Variants in KLF2 observed in about 807,000 individuals in gnomAD.
KLF2 encodes KLF transcription factor 2.
A neutral mutation model predicts 22.2 loss-of-function variants in KLF2; 9 were observed. That is an observed-to-expected ratio of 0.40 (90% CI 0.24 to 0.71). The LOEUF is 0.71. Among genes scored for constraint, KLF2 ranks in the 30% least tolerant of loss-of-function variants. KLF2 has a pLI of 0.35. For missense variants in KLF2, 481 were observed against 542.1 expected, an observed-to-expected ratio of 0.89 and a Z score of 1.12; for synonymous variants, 299 against 264.2, an observed-to-expected ratio of 1.13 and a Z score of -1.28.
In KLF2 at chr19:16,326,882, G is replaced by T. The variant is rs372974017; in HGVS notation, c.919G>T (p.Asp307Tyr). 7 of 1,612,536 alleles carry T rather than the reference G, an allele frequency of 4.3e-6. No homozygotes were observed. In the South Asian group the frequency reaches 7.7e-5, roughly 18 times the overall value. Reference protein sequence around the residue: ...TGEKPYHCNWDGCGWKFARSD... With the variant: ...TGEKPYHCNWYGCGWKFARSD... ...TGAGAAGCCCTACCACTGCAACTGG[G>T]ACGGCTGCGGCTGGAAGTTTGCGCG... Residue 307 changes from aspartate (D) to tyrosine (Y), a missense_variant, in exon 3 of 3, where the codon GAC (aspartate) becomes TAC (tyrosine). Transcript: ENST00000248071.
intron 1 of KLF2, 108 bp from the exon 2 acceptor site, chr19:16,325,108 G>C: frequency 7.6e-7 from 1 of 1,321,410 alleles, no homozygotes; most frequent in Non-Finnish European, 1.0e-6. Context: ...TGCAGACTCA[G>C]GAGAGGAGGA....
chr19:16,325,949 C>T lies in KLF2; in HGVS notation c.809C>T (p.Ala270Val). The T allele has an allele frequency of 7.1e-6, 11 of 1,538,544 alleles. No homozygotes were observed. Among genetic ancestry groups the T allele is most frequent in the Non-Finnish European group, 8.7e-6 (10 of 1,143,350 alleles). Residue 270 changes from alanine (A) to valine (V), a missense_variant, in exon 2 of 3, where the codon GCC becomes GTC. Physicochemically the swap from Ala to Val is moderately conservative, Grantham distance 64. Coordinates refer to ENST00000248071, the MANE Select transcript of KLF2 (RefSeq NM_016270.4). ...CGCTCTTGGCCCCGCAAACGCACCG[C>T]CACTCACACCTGCAGCTACGCGGGC... ...GRRSWPRKRTATHTCSYAGCG... is the reference protein window; with the variant it reads ...GRRSWPRKRTVTHTCSYAGCG...
At position 16,327,169 on chromosome 19, in the gene KLF2, C is replaced by T; in HGVS notation, c.*138C>T. 2 of 811,488 alleles carry T rather than the reference C, an allele frequency of 2.5e-6. No homozygotes were observed. Among genetic ancestry groups the T allele is most frequent in the Non-Finnish European group, 1.8e-6 (1 of 545,232 alleles). 50.3% of individuals were successfully genotyped at this position (811,488 alleles called of 1,614,324 possible). ...CAGCGTGGCTACAGAGGGTCTCCCTCGATGACGACGACGACGACGCCACCA... is the reference window on the plus strand; with the variant it reads ...CAGCGTGGCTACAGAGGGTCTCCCTTGATGACGACGACGACGACGCCACCA... On this transcript the variant is annotated 3_prime_UTR_variant, in exon 3 of 3. Coordinates refer to ENST00000248071, the MANE Select transcript of KLF2 (RefSeq NM_016270.4).
Position 16,328,398 on chromosome 19 carries a change from C to T in KLF2, c.*1367C>T, listed in dbSNP as rs1279959535. Among the ~76,000 whole-genome samples the T allele has an allele frequency of 6.6e-6, 1 of 152,146 alleles. No homozygotes were observed. Among genetic ancestry groups the T allele is most frequent in the East Asian group, 1.9e-4 (1 of 5,198 alleles). ...AGGTATCTCTCCCCCCAGATTTCAC[C>T]TGCCACCCCTCACCTTCCCCATTCT... On this transcript the variant is annotated 3_prime_UTR_variant, in exon 3 of 3. Coordinates refer to ENST00000248071, the MANE Select transcript of KLF2 (RefSeq NM_016270.4).
chr19:16,328,434 G>A lies in KLF2; in HGVS notation c.*1403G>A, dbSNP rs1180305569. Among the ~76,000 whole-genome samples, 1 of 151,992 alleles carries A rather than the reference G, an allele frequency of 6.6e-6. No homozygotes were observed. The highest frequency in any genetic ancestry group is 1.9e-4 in the East Asian group (1 of 5,194). ...CACCTTCCCCATTCTCAGGGGCCCCGGGTAACCATGACCACCAACCATTGC... is the reference window on the plus strand; with the variant it reads ...CACCTTCCCCATTCTCAGGGGCCCCAGGTAACCATGACCACCAACCATTGC... On this transcript the variant is annotated 3_prime_UTR_variant, in exon 3 of 3. Coordinates refer to ENST00000248071, the MANE Select transcript of KLF2 (RefSeq NM_016270.4).
Position 16,327,894 on chromosome 19 carries a change from A to G in KLF2, c.*863A>G, listed in dbSNP as rs181740267. On this transcript the variant is annotated 3_prime_UTR_variant, in exon 3 of 3. Coordinates refer to ENST00000248071, the MANE Select transcript of KLF2 (RefSeq NM_016270.4). ...CTGGAAGCCTCTGAGGTTTTAGCCA[A>G]ATTTCTGGAGTGCCAGCTCTATATT... 2.0e-5 allele frequency: 3 copies of G among 152,028 alleles called. No individual in the cohort carries two copies. Among genetic ancestry groups the G allele is most frequent in the East Asian group, 1.9e-4 (1 of 5,178 alleles). 9.4% of individuals were successfully genotyped at this position (152,028 alleles called of 1,614,324 possible). A position where few individuals can be genotyped will look rare whatever the true frequency, so the allele number is the denominator to read the frequency against.
rs768382004 is a variant in KLF2 at position 16,325,456 on chromosome 19, C to A, written c.316C>A (p.Pro106Thr). ...ACCCGAGCTGGATGCGCCGCTGGGGCCCGCACTGCACGGCCGCTTTCTGCT... is the reference window on the plus strand; with the variant it reads ...ACCCGAGCTGGATGCGCCGCTGGGGACCGCACTGCACGGCCGCTTTCTGCT... ...LRPELDAPLGPALHGRFLLAP... is the reference protein window; with the variant it reads ...LRPELDAPLGTALHGRFLLAP... The change falls in exon 2 of 3, where the codon CCC becomes ACC. Residue 106 changes from proline to threonine, a missense_variant. Pro to Thr is a conservative substitution (Grantham distance 38). Transcript: ENST00000248071. The A allele has an allele frequency of 2.1e-6, 3 of 1,406,604 alleles. No individual in the cohort carries two copies. Among genetic ancestry groups the A allele is most frequent in the South Asian group, 1.5e-5 (1 of 67,822 alleles). 87.1% of individuals were successfully genotyped at this position (1,406,604 alleles called of 1,614,324 possible). A position where few individuals can be genotyped will look rare whatever the true frequency, so the allele number is the denominator to read the frequency against.
intron 2 of KLF2, 89 bp from the exon 3 acceptor site, chr19:16,326,767 G>A (rs1396109426): frequency 1.5e-6 from 2 of 1,339,908 alleles, no homozygotes; most frequent in African/African-American, 2.9e-5. Context: ...TCAAGGCCCT[G>A]GTTAGGGATA....
chr19:16,325,027 C>A, intron 1 of KLF2, 29 bp downstream of exon 1: 1 of 1,541,542 alleles, frequency 6.5e-7, no homozygotes, highest in Non-Finnish European at 8.7e-7. Context: ...GCGGGGCGGC[C>A]GGGACCGTGG....
rs1192360168 is a variant in KLF2 at position 16,326,938 on chromosome 19, G to A, written c.975G>A (p.Lys325=). 25 of 1,613,418 alleles carry A rather than the reference G, an allele frequency of 1.5e-5. No individual in the cohort carries two copies. The highest frequency in any genetic ancestry group is 2.1e-5 in the Non-Finnish European group (25 of 1,179,986). Residue 325 remains lysine (K), a synonymous_variant, in exon 3 of 3, where the codon AAG becomes AAA. Transcript: ENST00000248071. ...RSDELTRHYR[K]HTGHRPFQCH... ...ACGAGCTCACGCGCCACTACCGAAAGCACACGGGCCACCGGCCATTCCAGT... is the reference window on the plus strand; with the variant it reads ...ACGAGCTCACGCGCCACTACCGAAAACACACGGGCCACCGGCCATTCCAGT...
chr19:16,324,897 C>T lies in KLF2; in HGVS notation c.-27C>T, dbSNP rs1371502839. ...GCAGCCACTCACCGGTGTCCCCGTC[C>T]GCGTCCTTTCTCCCCGGGTCCCGGC... On this transcript the variant is annotated 5_prime_UTR_variant, in exon 1 of 3. Transcript: ENST00000248071. 1.3e-6 allele frequency: 2 copies of T among 1,580,328 alleles called. No homozygotes were observed. Among genetic ancestry groups the T allele is most frequent in the Admixed American group, 3.4e-5 (2 of 58,158 alleles).
chr19:16,324,892 C>G lies in KLF2; in HGVS notation c.-32C>G, dbSNP rs767078143. The stretch of plus-strand genomic sequence containing the variant: ...CTCGGGCAGCCACTCACCGGTGTCC[C>G]CGTCCGCGTCCTTTCTCCCCGGGTC... On this transcript the variant is annotated 5_prime_UTR_variant, in exon 1 of 3. Coordinates refer to ENST00000248071, the MANE Select transcript of KLF2 (RefSeq NM_016270.4). 3 of 1,572,874 alleles carry G rather than the reference C, an allele frequency of 1.9e-6. No homozygotes were observed. The Admixed American group carries it at 5.2e-5, about 27-fold the overall frequency.
At chr19:16,326,809 C>G in intron 2 of KLF2, 47 bp from the exon 3 acceptor site, 1 of 1,572,326 alleles carries the variant, frequency 6.4e-7, no homozygotes, top group African/African-American at 1.3e-5. Context: ...CATACGTGCC[C>G]TGTCCTGGGA....
At position 16,325,240 on chromosome 19, in the gene KLF2, T is replaced by G; in HGVS notation, c.100T>G (p.Ser34Ala). ...GCGCTGGCCGCGCGCCGAACCCGAG[T>G]CCGGCGGCACCGACGACGACCTCAA... ...QERWPRAEPE[S>A]GGTDDDLNSV... The change falls in exon 2 of 3, where the codon TCC (serine) becomes GCC (alanine). Residue 34 changes from serine to alanine, a missense_variant. Around this residue, in one of 2 missense-constraint regions of KLF2, gnomAD observed 421 missense variants for 435.1 expected, o/e 0.97. Transcript: ENST00000248071. 2.0e-6 allele frequency: 3 copies of G among 1,534,460 alleles called. No individual in the cohort carries two copies. The highest frequency in any genetic ancestry group is 2.6e-6 in the Non-Finnish European group (3 of 1,145,980).
At chr19:16,326,536 T>A (rs1161290653) in intron 2 of KLF2, among the ~76,000 whole-genome samples, 1 of 151,688 alleles carries the variant, frequency 6.6e-6, no homozygotes. Context: ...CTCAGGACCT[T>A]GGGGAGGGAG....
chr19:16,326,065 G>C (rs201898491), intron 2 of KLF2, 33 bp downstream of exon 2: 150 of 1,520,556 alleles, frequency 9.9e-5, no homozygotes, highest in South Asian at 7.7e-4. Context: ...GAGCGCAGGC[G>C]GGGGGACGCG....
At chr19:16,326,421 C>G (rs2091890482) in intron 2 of KLF2, among the ~76,000 whole-genome samples, 1 of 152,022 alleles carries the variant, frequency 6.6e-6, no homozygotes, top group South Asian at 2.1e-4. Flanking sequence ...GGGGCTGAGG[C>G]TCAGGTAGTT....
At position 16,325,551 on chromosome 19, in the gene KLF2, C is replaced by T. The variant is rs965102587; in HGVS notation, c.411C>T (p.Ala137=). ...EADGGGGYGC[A]PGLTRGPRGL... Reference sequence around the variant, plus strand: ...ACGGCGGCGGCGGCTACGGCTGCGCCCCCGGGCTGACCCGTGGACCGCGCG... The same window carrying T: ...ACGGCGGCGGCGGCTACGGCTGCGCTCCCGGGCTGACCCGTGGACCGCGCG... Residue 137 remains alanine (A), a synonymous_variant, in exon 2 of 3, where the codon GCC becomes GCT. Transcript: ENST00000248071. 47 of 1,240,490 alleles carry T rather than the reference C, an allele frequency of 3.8e-5. No homozygotes were observed. In the African/African-American group the frequency reaches 6.6e-4, roughly 17 times the overall value. 76.8% of individuals were successfully genotyped at this position (1,240,490 alleles called of 1,614,324 possible). A position where few individuals can be genotyped will look rare whatever the true frequency, so the allele number is the denominator to read the frequency against.
Position 16,325,813 on chromosome 19 carries a change from G to A in KLF2, c.673G>A (p.Ala225Thr). ...APPAFGLFDD[A>T]AAAAAALGLA... Reference sequence around the variant, plus strand: ...CCCAGCCTTCGGTCTCTTCGACGACGCGGCCGCCGCCGCGGCAGCCCTGGG... The same window carrying A: ...CCCAGCCTTCGGTCTCTTCGACGACACGGCCGCCGCCGCGGCAGCCCTGGG... Residue 225 changes from alanine to threonine, a missense_variant, in exon 2 of 3, where the codon GCG becomes ACG. Around this residue, in one of 2 missense-constraint regions of KLF2, gnomAD observed 421 missense variants for 435.1 expected, o/e 0.97. Transcript: ENST00000248071. 7.4e-7 allele frequency: 1 copy of A among 1,349,912 alleles called. No individual in the cohort carries two copies. Among genetic ancestry groups the A allele is most frequent in the Non-Finnish European group, 9.4e-7 (1 of 1,059,124 alleles). 83.6% of individuals were successfully genotyped at this position (1,349,912 alleles called of 1,614,324 possible).
Sources: gnomAD v4.1 joint callset for allele counts (sites outside exome capture counted in the v4.1 genomes callset) on GRCh38, gnomAD v4.1.1 for gene constraint, gnomAD v4.1.1 regional missense constraint, MANE v1.5 for transcripts, NCBI Gene and HGNC (gene_info 2026-07-23, HGNC 2026-07-21) for gene names.